NLGN4X: variants seen among roughly 807,000 people sequenced by gnomAD.
The protein encoded by NLGN4X is neuroligin 4 X-linked.
NLGN4X carries 3 observed loss-of-function variants against 40.3 expected under a neutral mutation model. That is an observed-to-expected ratio of 0.07 (90% CI 0.03 to 0.19). NLGN4X has a LOEUF of 0.19. Among genes scored for constraint, NLGN4X ranks in the 10% least tolerant of loss-of-function variants. The pLI is 1.00. For synonymous variants in NLGN4X, 270 were observed against 306.8 expected, an observed-to-expected ratio of 0.88 and a Z score of 1.25; for missense variants, 382 against 708.3, an observed-to-expected ratio of 0.54 and a Z score of 5.23.
chrX:6,202,340 T>C (rs953285192), intron 1 of NLGN4X, among the ~76,000 whole-genome samples: 1 of 82,442 alleles, frequency 1.2e-5, no homozygotes, highest in African/African-American at 5.3e-5. Flanking sequence ...TTCATTTTCT[T>C]TTTTTTTTTT....
At chrX:6,117,821 G>T (rs1180847738) in intron 2 of NLGN4X, among the ~76,000 whole-genome samples, 5 of 112,222 alleles carry the variant, frequency 4.5e-5, no homozygotes, top group African/African-American at 1.6e-4. Flanking sequence ...CATCTGAGCA[G>T]AAGCTGAAAG....
chrX:6,163,266 T>C (rs1373058198), intron 1 of NLGN4X, among the ~76,000 whole-genome samples: 1 of 112,155 alleles, frequency 8.9e-6, no homozygotes, highest in East Asian at 2.8e-4. Context: ...TAAACACATA[T>C]AAATTTAGAA....
intron 1 of NLGN4X, among the ~76,000 whole-genome samples, chrX:6,169,682 A>C (rs1465944769): frequency 8.9e-6 from 1 of 112,654 alleles, no homozygotes; most frequent in African/African-American, 3.2e-5. Context: ...TATTTAATTC[A>C]ACCTCATGTG....
chrX:6,032,633 GAGAT>G (rs993072934), intron 2 of NLGN4X: 14 of 758,985 alleles, frequency 1.8e-5, no homozygotes, highest in African/African-American at 1.7e-4. Flanking sequence ...AAAAAAAAGA[GAGAT>G]AGATAGATAT....
intron 1 of NLGN4X, among the ~76,000 whole-genome samples, chrX:6,219,361 T>C (rs1925403201): frequency 1.1e-5 from 1 of 90,432 alleles, no homozygotes; most frequent in African/African-American, 4.3e-5. Flanking sequence ...CTTCCTTCCT[T>C]CTTTTTCTCT....
intron 2 of NLGN4X, among the ~76,000 whole-genome samples, chrX:6,123,474 C>T (rs1270696729): frequency 9.0e-6 from 1 of 111,516 alleles, no homozygotes; most frequent in African/African-American, 3.3e-5. Flanking sequence ...CAACATAATA[C>T]AGGTAACGAC....
intron 1 of NLGN4X, among the ~76,000 whole-genome samples, chrX:6,180,523 C>G (rs936751389): frequency 8.9e-6 from 1 of 111,843 alleles, no homozygotes; most frequent in African/African-American, 3.3e-5. Flanking sequence ...TCCTGTACAT[C>G]CTGCAGAACC....
intron 2 of NLGN4X, among the ~76,000 whole-genome samples, chrX:6,136,862 G>A (rs1357799641): frequency 8.9e-6 from 1 of 112,167 alleles, no homozygotes; most frequent in Non-Finnish European, 1.9e-5. Flanking sequence ...ATAGCCTAAA[G>A]GCTAAAAATG....
Position 5,893,081 on chromosome X carries a change from G to C in NLGN4X, c.2187C>G (p.Ile729Met). The part of the protein sequence containing the change: ...NDIAHIQNEE[I>M]MSLQMKQLEH... ...CCAGCTGCTTCATCTGCAGAGACAT[G>C]ATCTCTTCGTTCTGGATGTGAGCGA... Residue 729 changes from isoleucine (I) to methionine (M), a missense_variant, in exon 6 of 6, where the codon ATC (isoleucine) becomes ATG (methionine). Physicochemically the swap from Ile to Met is conservative, Grantham distance 10. Coordinates refer to ENST00000381095, the MANE Select transcript of NLGN4X (RefSeq NM_181332.3). 1 of 1,211,467 alleles carries C rather than the reference G, an allele frequency of 8.3e-7. No homozygotes were observed. The highest frequency in any genetic ancestry group is 2.3e-4 in the Middle Eastern group (1 of 4,353).
chrX:5,937,195 C>A (rs778823087), intron 3 of NLGN4X, among the ~76,000 whole-genome samples: 66 of 110,674 alleles, frequency 6.0e-4, no homozygotes, highest in Non-Finnish European at 1.1e-3. Flanking sequence ...CAGCCTCAGC[C>A]TCCCAAGCAG....
chrX:5,901,933 T>G (rs1194045067), intron 5 of NLGN4X, among the ~76,000 whole-genome samples: 1 of 108,304 alleles, frequency 9.2e-6, no homozygotes, highest in Admixed American at 1.0e-4. Flanking sequence ...TATTTTTATA[T>G]AGACATTAAA....
intron 3 of NLGN4X, among the ~76,000 whole-genome samples, chrX:5,997,701 C>T (rs1480411250): frequency 1.9e-5 from 2 of 106,865 alleles, no homozygotes; most frequent in Non-Finnish European, 3.8e-5. Flanking sequence ...ACTGTTTGTA[C>T]AGTAACTCTT....
chrX:5,948,559 G>T (rs2034206546), intron 3 of NLGN4X, among the ~76,000 whole-genome samples: 1 of 111,859 alleles, frequency 8.9e-6, no homozygotes, highest in Admixed American at 9.5e-5. Context: ...AAGGCTGTGA[G>T]TGAGTCATTC....
At chrX:5,901,911 T>A (rs1432047202) in intron 5 of NLGN4X, among the ~76,000 whole-genome samples, 1 of 107,756 alleles carries the variant, frequency 9.3e-6, no homozygotes, top group Non-Finnish European at 1.9e-5. Flanking sequence ...ATTATACAAA[T>A]AGGAATATCT....
chrX:6,201,793 T>C (rs1923638845), intron 1 of NLGN4X, among the ~76,000 whole-genome samples: 1 of 110,744 alleles, frequency 9.0e-6, no homozygotes, highest in Non-Finnish European at 1.9e-5. Flanking sequence ...GGCCAGAGCA[T>C]ATAGGCAATG....
At chrX:6,122,233 T>C (rs2039441184) in intron 2 of NLGN4X, among the ~76,000 whole-genome samples, 1 of 111,200 alleles carries the variant, frequency 9.0e-6, no homozygotes, top group African/African-American at 3.3e-5. Flanking sequence ...TGGGCCTTTA[T>C]TTTTTGTTTT....
intron 3 of NLGN4X, among the ~76,000 whole-genome samples, chrX:5,987,922 A>G (rs1439273955): frequency 9.0e-6 from 1 of 111,423 alleles, no homozygotes. Flanking sequence ...AATTTATTTA[A>G]AAAAATTAGC....
intron 3 of NLGN4X, among the ~76,000 whole-genome samples, chrX:5,919,926 C>T (rs1271666197): frequency 1.8e-5 from 2 of 111,912 alleles, no homozygotes; most frequent in African/African-American, 6.5e-5. Flanking sequence ...TGTTTTCTCT[C>T]AATCTGAAGC....
chrX:5,990,515 T>C (rs2035652826), intron 3 of NLGN4X, among the ~76,000 whole-genome samples: 2 of 111,956 alleles, frequency 1.8e-5, no homozygotes, highest in Admixed American at 1.9e-4. Context: ...ATGAGGTATG[T>C]ATGAAGAAAG....
Sources: allele counts gnomAD v4.1 joint callset (sites outside exome capture counted in the v4.1 genomes callset), GRCh38; gene constraint gnomAD v4.1.1; transcripts MANE v1.5; gene names NCBI Gene and HGNC (gene_info 2026-07-23, HGNC 2026-07-21).